The following RPS6KC1 variants were observed in gnomAD, a reference collection of about 807,000 sequenced individuals.
The protein encoded by RPS6KC1 is inactive ribosomal protein S6 kinase delta-1.
A neutral mutation model predicts 103.8 loss-of-function variants in RPS6KC1; 54 were observed. The observed-to-expected ratio is 0.52, with a 90% CI of 0.42 to 0.65. The LOEUF (loss-of-function observed/expected upper bound fraction) is 0.65, where lower values mean the gene tolerates loss of function less well. Among genes scored for constraint, RPS6KC1 ranks in the 30% least tolerant of loss-of-function variants. RPS6KC1 has a pLI of 0.00. For synonymous variants in RPS6KC1, 439 were observed against 438.7 expected (o/e 1.00, Z -0.01); for missense variants, 1,151 against 1,253.8 (o/e 0.92, Z 1.24).
chr1:213,058,999 C>T lies in RPS6KC1; in HGVS notation c.105+7490C>T, dbSNP rs76995385. ...TTGTTAGATTTATTCCCCACTATTT[C>T]GTATTTTTGTAGCTATTGTCAATAG... On this transcript the variant is annotated intron_variant, in intron 1 of 14. Coordinates refer to ENST00000366960, the MANE Select transcript of RPS6KC1 (RefSeq NM_012424.6). Among the ~76,000 whole-genome samples the T allele has an allele frequency of 8.5e-5, 13 of 152,268 alleles. No individual in the cohort carries two copies. The East Asian group carries it at 1.7e-3, about 20-fold the overall frequency.
intron 3 of RPS6KC1, among the ~76,000 whole-genome samples, chr1:213,100,329 C>A (rs2081909443): frequency 6.6e-6 from 1 of 152,006 alleles, no homozygotes; most frequent in South Asian, 2.1e-4. Context: ...ATATCTTAGA[C>A]ACCAGTCGTT....
At chr1:213,858,425 T>G in the RPS6KC1 span, among the ~76,000 whole-genome samples, 1 of 151,864 alleles carries the variant, frequency 6.6e-6, no homozygotes, top group African/African-American at 2.4e-5. Context: ...AGTCACATGT[T>G]GGGGGGGCGG....
At position 213,200,269 on chromosome 1, in the gene RPS6KC1, A is replaced by G. The variant is rs577395146; in HGVS notation, c.1044+23777A>G. ...GCTACAGTAACCAAAACAGCATGATACTGGCATAAAAACAGATACATAGAC... is the reference window on the plus strand; with the variant it reads ...GCTACAGTAACCAAAACAGCATGATGCTGGCATAAAAACAGATACATAGAC... On this transcript the variant is annotated intron_variant, in intron 8 of 14. Coordinates refer to ENST00000366960, the MANE Select transcript of RPS6KC1 (RefSeq NM_012424.6). Among the ~76,000 whole-genome samples the G allele has an allele frequency of 2.0e-5, 3 of 152,344 alleles. No homozygotes were observed. In the South Asian group the frequency reaches 6.2e-4, roughly 32 times the overall value.
chr1:213,210,781 G>T, intron 8 of RPS6KC1, among the ~76,000 whole-genome samples: 1 of 152,134 alleles, frequency 6.6e-6, no homozygotes. Context: ...AAGCTTCCTT[G>T]CCCTTGAGGC....
chr1:213,262,918 C>A, intron 14 of RPS6KC1, 102 bp downstream of exon 14: 1 of 758,780 alleles, frequency 1.3e-6, no homozygotes, highest in Non-Finnish European at 2.4e-6. Context: ...CAAGAAAAAC[C>A]CATTTAACGT....
At chr1:213,558,937 T>G in the RPS6KC1 span, among the ~76,000 whole-genome samples, 5 of 152,232 alleles carry the variant, frequency 3.3e-5, no homozygotes, top group African/African-American at 4.8e-5. Context: ...CTAAACATAT[T>G]GTAGTTCAAG....
At chr1:213,196,755 A>G (rs1345261469) in intron 8 of RPS6KC1, among the ~76,000 whole-genome samples, 1 of 151,974 alleles carries the variant, frequency 6.6e-6, no homozygotes, top group East Asian at 1.9e-4. Context: ...TACCCACTTC[A>G]TGTTTTTGTT....
the RPS6KC1 span, among the ~76,000 whole-genome samples, chr1:213,791,883 G>A: frequency 6.6e-6 from 1 of 152,096 alleles, no homozygotes; most frequent in South Asian, 2.1e-4. Context: ...CGAACTGTCG[G>A]CCAACCCTGA....
At chr1:213,525,496 G>T in the RPS6KC1 span, among the ~76,000 whole-genome samples, 1 of 152,118 alleles carries the variant, frequency 6.6e-6, no homozygotes, top group Non-Finnish European at 1.5e-5. Context: ...ACCAGCTGGG[G>T]CTATAATACA....
intron 6 of RPS6KC1, among the ~76,000 whole-genome samples, chr1:213,147,735 G>A (rs567329861): frequency 3.3e-5 from 5 of 152,268 alleles, no homozygotes; most frequent in African/African-American, 7.2e-5. Context: ...TGTGAAGAAC[G>A]TCATTGATAT....
chr1:213,220,046 A>G (rs1053417356), intron 8 of RPS6KC1, among the ~76,000 whole-genome samples: 2 of 152,156 alleles, frequency 1.3e-5, no homozygotes, highest in African/African-American at 4.8e-5. Flanking sequence ...AAAGTACTAA[A>G]TATTTATAGG....
chr1:213,623,082 T>C, the RPS6KC1 span, among the ~76,000 whole-genome samples: 180 of 152,300 alleles, frequency 1.2e-3, no homozygotes, highest in Admixed American at 2.2e-3. Flanking sequence ...TTTTGTTCTC[T>C]AGGCCCCATC....
the RPS6KC1 span, among the ~76,000 whole-genome samples, chr1:213,763,392 G>A: frequency 6.6e-6 from 1 of 152,182 alleles, no homozygotes; most frequent in Admixed American, 6.5e-5. Context: ...CAGGAGTCCA[G>A]CGAGCTGATG....
chr1:213,392,347 G>C, the RPS6KC1 span, among the ~76,000 whole-genome samples: 1 of 152,016 alleles, frequency 6.6e-6, no homozygotes, highest in African/African-American at 2.4e-5. Flanking sequence ...GTCTCAACTG[G>C]TAGAGGCTGG....
At chr1:213,729,428 AC>A in the RPS6KC1 span, among the ~76,000 whole-genome samples, 1 of 152,152 alleles carries the variant, frequency 6.6e-6, no homozygotes, top group Admixed American at 6.5e-5. Context: ...GGGATCAAGA[AC>A]TGTACCTGCG....
chr1:213,833,151 C>T, the RPS6KC1 span, among the ~76,000 whole-genome samples: 1 of 152,142 alleles, frequency 6.6e-6, no homozygotes, highest in South Asian at 2.1e-4. Context: ...TCACAGAACC[C>T]CAGAATGGGA....
intron 8 of RPS6KC1, 62 bp downstream of exon 8, chr1:213,176,554 C>G (rs2091887629): frequency 9.3e-7 from 1 of 1,072,622 alleles, no homozygotes; most frequent in Non-Finnish European, 1.4e-6. Context: ...GACATTCTGT[C>G]TTTGAAGCTT....
chr1:213,167,491 A>ACACACACACACAC (rs1558462702), intron 6 of RPS6KC1, among the ~76,000 whole-genome samples: 4 of 70,612 alleles, frequency 5.7e-5, no homozygotes, highest in Non-Finnish European at 1.4e-4. Context: ...CACACACACA[A>ACACACACACACAC]CAGCTGTTGC....
At chr1:213,623,015 G>A in the RPS6KC1 span, among the ~76,000 whole-genome samples, 1 of 152,116 alleles carries the variant, frequency 6.6e-6, no homozygotes, top group Non-Finnish European at 1.5e-5. Context: ...GGCAGTCCAG[G>A]AAAGCCTTTG....
Sources: gnomAD v4.1 joint callset for allele counts (sites outside exome capture counted in the v4.1 genomes callset) on GRCh38, gnomAD v4.1.1 for gene constraint, MANE v1.5 for transcripts, NCBI Gene and HGNC (gene_info 2026-07-23, HGNC 2026-07-21) for gene names.